The following ARHGAP23 variants were observed in gnomAD, a reference collection of about 807,000 sequenced individuals.
ARHGAP23 encodes rho GTPase-activating protein 23.
ARHGAP23 carries 34 observed loss-of-function variants against 136.3 expected under a neutral mutation model. The ratio of observed to expected loss-of-function variants is 0.25; its 90% confidence interval spans 0.19 to 0.33. The LOEUF (loss-of-function observed/expected upper bound fraction) is 0.33. Ranked by LOEUF, ARHGAP23 falls within the 10% of genes least tolerant of loss-of-function variation. ARHGAP23 has a pLI of 1.00. For synonymous variants in ARHGAP23, 832 were observed against 920.5 expected (o/e 0.90, Z 1.74); for missense variants, 1,808 against 2,139.0 (o/e 0.85, Z 3.05).
intron 1 of ARHGAP23, among the ~76,000 whole-genome samples, chr17:38,434,879 A>G (rs980429454): frequency 2.0e-5 from 3 of 152,126 alleles, no homozygotes; most frequent in African/African-American, 7.2e-5. Context: ...GGCAATCCAG[A>G]GCTTTTCCTG....
intron 1 of ARHGAP23, among the ~76,000 whole-genome samples, chr17:38,419,863 C>T (rs535220794): frequency 1.3e-5 from 2 of 152,192 alleles, no homozygotes; most frequent in African/African-American, 4.8e-5. Flanking sequence ...CCTCAAGATA[C>T]GCCGGTCCCC....
intron 17 of ARHGAP23, 92 bp downstream of exon 17, chr17:38,486,232 C>CTTT: frequency 3.8e-6 from 3 of 797,960 alleles, no homozygotes; most frequent in Non-Finnish European, 5.7e-6. Flanking sequence ...TGGTTTTACT[C>CTTT]TTTTTTTTTT....
Position 38,510,279 on chromosome 17 carries a change from C to A in ARHGAP23, c.3783C>A (p.Cys1261Ter). 2 of 1,291,700 alleles carry A rather than the reference C, an allele frequency of 1.5e-6. No homozygotes were observed. The highest frequency in any genetic ancestry group is 5.2e-5 in the South Asian group (2 of 38,566). The allele number at this position is 1,291,700 out of a possible 1,614,324, so 80.0% of individuals were successfully genotyped here. ...TGTCCACCATGGACCGCAGCGTGTG[C>A]TCGGGCGCTAGCGGTCGGCGGGCAG... ...STLSTMDRSV[C>*]SGASGRRAGA... The change falls in exon 24 of 24, where the codon TGC (cysteine) becomes TGA (stop). Residue 1261 changes from cysteine to a stop codon, truncating the protein, a stop_gained. Transcript: ENST00000622683. LOFTEE classifies it high-confidence loss of function. The surrounding 1 kb of genome is among the most constrained non-coding windows in gnomAD (Gnocchi z 4.6).
Position 38,509,970 on chromosome 17 carries a change from G to A in ARHGAP23, c.3474G>A (p.Pro1158=), listed in dbSNP as rs1291917792. 13 of 1,250,316 alleles carry A rather than the reference G, an allele frequency of 1.0e-5. No homozygotes were observed. In the South Asian group the frequency reaches 3.9e-4, roughly 37 times the overall value. The allele number at this position is 1,250,316 out of a possible 1,614,324, so 77.5% of individuals were successfully genotyped here. ...SKGSWAPKKE[P]YAREMLAISF... is the part of the protein sequence containing the mutation. ...GTTCGTGGGCCCCCAAGAAGGAGCC[G>A]TACGCCCGGGAGATGCTGGCGATCT... Residue 1158 remains proline, a synonymous_variant, in exon 24 of 24, where the codon CCG becomes CCA. Coordinates refer to ENST00000622683, the MANE Select transcript of ARHGAP23 (RefSeq NM_001199417.2).
At chr17:38,478,417 A>ATTTT (rs33967787) in intron 12 of ARHGAP23, among the ~76,000 whole-genome samples, 1 of 145,198 alleles carries the variant, frequency 6.9e-6, no homozygotes, top group Non-Finnish European at 1.5e-5. Context: ...TTTTGGGATA[A>ATTTT]TTTTTTTTTT....
chr17:38,442,835 A>G (rs2038948540), intron 1 of ARHGAP23, among the ~76,000 whole-genome samples: 1 of 152,182 alleles, frequency 6.6e-6, no homozygotes, highest in South Asian at 2.1e-4. Context: ...TGGTCATAAT[A>G]TTAAAATAAT....
In ARHGAP23 at chr17:38,510,607, G is replaced by A; in HGVS notation, c.4111G>A (p.Ala1371Thr). The change falls in exon 24 of 24, where the codon GCG (alanine) becomes ACG (threonine). Residue 1371 changes from alanine (A) to threonine (T), a missense_variant. Ala to Thr is a moderately conservative substitution (Grantham distance 58). This residue lies in a region of ARHGAP23 where 506 missense variants were observed against 455.8 expected (regional missense o/e 1.11). Coordinates refer to ENST00000622683, the MANE Select transcript of ARHGAP23 (RefSeq NM_001199417.2). The surrounding 1 kb of genome is among the most constrained non-coding windows in gnomAD (Gnocchi z 4.6). The part of the protein sequence containing the change: ...ALASRPSRME[A>T]LRLRLRGTAD... ...GGCCTCCCGGCCCTCGCGCATGGAGGCGCTGCGTCTAAGGCTCCGCGGCAC... is the reference window on the plus strand; with the variant it reads ...GGCCTCCCGGCCCTCGCGCATGGAGACGCTGCGTCTAAGGCTCCGCGGCAC... The A allele has an allele frequency of 1.5e-6, 2 of 1,297,360 alleles. No homozygotes were observed. Among genetic ancestry groups the A allele is most frequent in the Non-Finnish European group, 1.9e-6 (2 of 1,027,610 alleles). 80.4% of individuals were successfully genotyped at this position (1,297,360 alleles called of 1,614,324 possible). A position where few individuals can be genotyped will look rare whatever the true frequency, so the allele number is the denominator to read the frequency against.
intron 1 of ARHGAP23, among the ~76,000 whole-genome samples, chr17:38,420,054 C>G (rs1002455408): frequency 1.3e-5 from 2 of 152,184 alleles, no homozygotes; most frequent in African/African-American, 4.8e-5. Flanking sequence ...GAGGGGGGTG[C>G]TGCCTTCCTT....
chr17:38,439,991 G>C (rs796630303), intron 1 of ARHGAP23, among the ~76,000 whole-genome samples: 1 of 149,560 alleles, frequency 6.7e-6, no homozygotes, highest in South Asian at 2.1e-4. Flanking sequence ...GCCTCCTAGA[G>C]TGCTGGGATT....
chr17:38,456,364 A>G (rs1457741672), intron 1 of ARHGAP23, among the ~76,000 whole-genome samples: 3 of 152,132 alleles, frequency 2.0e-5, no homozygotes, highest in Non-Finnish European at 4.4e-5. Flanking sequence ...AGGACATTTG[A>G]GCTTTCTCCA....
chr17:38,446,685 C>T (rs2039042944), intron 1 of ARHGAP23, among the ~76,000 whole-genome samples: 1 of 150,472 alleles, frequency 6.6e-6, no homozygotes, highest in South Asian at 2.1e-4. Flanking sequence ...GCTCTTGGCT[C>T]ACTGCAACCT....
intron 1 of ARHGAP23, among the ~76,000 whole-genome samples, chr17:38,420,045 A>AG (rs939972213): frequency 2.6e-5 from 4 of 152,218 alleles, no homozygotes; most frequent in African/African-American, 7.2e-5. Flanking sequence ...AGGTTTTGGG[A>AG]GGGGGGTGCT....
chr17:38,499,006 G>A (rs1221034941), intron 22 of ARHGAP23: 2 of 696,854 alleles, frequency 2.9e-6, no homozygotes, highest in Admixed American at 2.0e-5. Flanking sequence ...GTGATTATAA[G>A]AAGGCTGGGT....
At chr17:38,495,825 T>TG (rs2040380161) in intron 20 of ARHGAP23, among the ~76,000 whole-genome samples, 1 of 152,152 alleles carries the variant, frequency 6.6e-6, no homozygotes, top group African/African-American at 2.4e-5. Flanking sequence ...GTCTACATAA[T>TG]GAGATTATAA....
At position 38,423,195 on chromosome 17, in the gene ARHGAP23, A is replaced by T. The variant is rs539874634; in HGVS notation, n.120+3796A>T. Reference sequence around the variant, plus strand: ...GTTTGCATGTACTAGGTGCTCAATAATTTTTTTTTTTTTTTGAGACGATGT... The same window carrying T: ...GTTTGCATGTACTAGGTGCTCAATATTTTTTTTTTTTTTTTGAGACGATGT... On this transcript the variant is annotated intron_variant and non_coding_transcript_variant, in intron 1 of 4. Transcript: ENST00000633445. Among the ~76,000 whole-genome samples, 5 of 142,788 alleles carry T rather than the reference A, an allele frequency of 3.5e-5. 1 individual carries two copies. In the South Asian group the frequency reaches 8.9e-4, roughly 26 times the overall value. 93.7% of individuals were successfully genotyped at this position (142,788 alleles called of 152,430 possible). A position where few individuals can be genotyped will look rare whatever the true frequency, so the allele number is the denominator to read the frequency against.
At chr17:38,498,551 A>G in intron 22 of ARHGAP23, 41 bp downstream of exon 22, 1 of 1,455,748 alleles carries the variant, frequency 6.9e-7, no homozygotes, top group Non-Finnish European at 9.2e-7. Flanking sequence ...GGGAGGTTGG[A>G]CACTGCATTC....
chr17:38,467,581 C>T (rs2039641728), intron 7 of ARHGAP23, among the ~76,000 whole-genome samples: 1 of 152,118 alleles, frequency 6.6e-6, no homozygotes, highest in Non-Finnish European at 1.5e-5. Context: ...TCTTTCCACG[C>T]ACTCTTTCTT....
chr17:38,471,397 C>T (rs768786388), intron 10 of ARHGAP23, among the ~76,000 whole-genome samples: 25 of 152,346 alleles, frequency 1.6e-4, no homozygotes, highest in South Asian at 1.2e-3. Context: ...ACTTAACTCT[C>T]CCTTGACTTG....
At chr17:38,472,925 T>C (rs943228983) in intron 11 of ARHGAP23, among the ~76,000 whole-genome samples, 1 of 152,202 alleles carries the variant, frequency 6.6e-6, no homozygotes, top group Non-Finnish European at 1.5e-5. Context: ...CTGCTGTACT[T>C]CTGCTTACTG....
Sources: allele counts gnomAD v4.1 joint callset (sites outside exome capture counted in the v4.1 genomes callset), GRCh38; gene constraint gnomAD v4.1.1; regional missense constraint gnomAD v4.1.1; non-coding constraint Gnocchi (gnomAD v3.1); transcripts MANE v1.5; gene names NCBI Gene and HGNC (gene_info 2026-07-23, HGNC 2026-07-21).